The following KIF26B variants were observed in gnomAD, a reference collection of about 807,000 sequenced individuals.
KIF26B encodes kinesin family member 26B.
Under a neutral mutation model 151.2 loss-of-function variants are expected in KIF26B, and 63 were observed. The observed-to-expected ratio is 0.42, with a 90% CI of 0.34 to 0.51. The LOEUF (loss-of-function observed/expected upper bound fraction) is 0.51, where lower values mean the gene tolerates loss of function less well. Ranked by LOEUF, KIF26B falls within the 20% of genes least tolerant of loss-of-function variation. The pLI, the probability that KIF26B is intolerant of heterozygous loss-of-function variation, is 0.07. For missense variants in KIF26B, 2,813 were observed against 2,913.6 expected, an observed-to-expected ratio of 0.97 and a Z score of 0.79; for synonymous variants, 1,357 against 1,262.1, an observed-to-expected ratio of 1.08 and a Z score of -1.59.
intron 2 of KIF26B, among the ~76,000 whole-genome samples, chr1:245,365,206 G>A (rs1672917308): frequency 6.6e-6 from 1 of 152,150 alleles, no homozygotes. Context: ...TCATCGAGGA[G>A]GACGCCTCGA....
intron 2 of KIF26B, among the ~76,000 whole-genome samples, chr1:245,198,456 TCACGCCTGTAATCCCAG>T (rs6143715): frequency 0.39 from 58,739 of 152,034 alleles, 12,701 homozygotes; most frequent in East Asian, 0.73. Flanking sequence ...GTGCGGTGGC[TCACGCCTGTAATCCCAG>T]CACTTTGGGG....
chr1:245,365,460 T>C (rs917600334), intron 2 of KIF26B, among the ~76,000 whole-genome samples: 1 of 151,672 alleles, frequency 6.6e-6, no homozygotes, highest in Non-Finnish European at 1.5e-5. Flanking sequence ...TGGATCCTAA[T>C]TAAGAACCAC....
intron 10 of KIF26B, among the ~76,000 whole-genome samples, chr1:245,675,811 G>A (rs1048649963): frequency 6.6e-6 from 1 of 152,130 alleles, no homozygotes; most frequent in African/African-American, 2.4e-5. Flanking sequence ...TTTAAAGTGT[G>A]AGGGGCCCAT....
Position 245,687,911 on chromosome 1 carries a change from G to A in KIF26B, c.4928G>A (p.Gly1643Asp). The A allele has an allele frequency of 6.3e-7, 1 of 1,592,670 alleles. No homozygotes were observed. The highest frequency in any genetic ancestry group is 8.5e-7 in the Non-Finnish European group (1 of 1,171,434). ...FPAGLPDEPS[G>D]KTKDASSSSK... Reference sequence around the variant, plus strand: ...GCGGGCCTCCCAGACGAGCCTAGCGGCAAGACGAAGGACGCCAGCAGCAGC... The same window carrying A: ...GCGGGCCTCCCAGACGAGCCTAGCGACAAGACGAAGGACGCCAGCAGCAGC... Residue 1643 changes from glycine to aspartate, a missense_variant, in exon 12 of 15, where the codon GGC (glycine) becomes GAC (aspartate). Coordinates refer to ENST00000407071, the MANE Select transcript of KIF26B (RefSeq NM_018012.4). This position sits in a 1 kb window ranked among gnomAD's most constrained non-coding sequence, Gnocchi z 4.9.
At chr1:245,430,610 T>C (rs1270785943) in intron 4 of KIF26B, among the ~76,000 whole-genome samples, 4 of 152,012 alleles carry the variant, frequency 2.6e-5, no homozygotes, top group Admixed American at 2.6e-4. Flanking sequence ...GAGGCTGCAG[T>C]GAGCTACGAT....
chr1:245,609,622 A>G, intron 8 of KIF26B, 94 bp downstream of exon 8: 1 of 1,320,348 alleles, frequency 7.6e-7, no homozygotes, highest in Non-Finnish European at 1.0e-6. Flanking sequence ...GAACCTGTAA[A>G]CTCAGAGGCT....
At chr1:245,498,683 T>C (rs1276984220) in intron 4 of KIF26B, among the ~76,000 whole-genome samples, 2 of 152,208 alleles carry the variant, frequency 1.3e-5, no homozygotes, top group African/African-American at 2.4e-5. Flanking sequence ...TCACTTCTTT[T>C]AGCCAGGAAC....
At chr1:245,412,986 C>T (rs1312767470) in intron 3 of KIF26B, among the ~76,000 whole-genome samples, 1 of 152,088 alleles carries the variant, frequency 6.6e-6, no homozygotes, top group Non-Finnish European at 1.5e-5. Flanking sequence ...CCCACCACCC[C>T]GAGGGATATG....
At chr1:245,433,349 C>T (rs1006476111) in intron 4 of KIF26B, among the ~76,000 whole-genome samples, 1 of 151,694 alleles carries the variant, frequency 6.6e-6, no homozygotes, top group East Asian at 1.9e-4. Context: ...CACCTGTAGC[C>T]CCAGCTACTT....
At chr1:245,286,727 A>T (rs977574571) in intron 2 of KIF26B, among the ~76,000 whole-genome samples, 2 of 152,214 alleles carry the variant, frequency 1.3e-5, no homozygotes, top group African/African-American at 4.8e-5. Flanking sequence ...TCATAAATTA[A>T]TGAAAGATTC....
intron 4 of KIF26B, among the ~76,000 whole-genome samples, chr1:245,466,000 CT>C (rs1215879974): frequency 6.6e-6 from 1 of 152,228 alleles, no homozygotes; most frequent in East Asian, 1.9e-4. Context: ...AAGAGTGGAC[CT>C]GGACGGGCAA....
At chr1:245,691,021 AG>A (rs2044618881) in intron 12 of KIF26B, among the ~76,000 whole-genome samples, 1 of 152,236 alleles carries the variant, frequency 6.6e-6, no homozygotes, top group African/African-American at 2.4e-5. Context: ...CGGTCTTCAA[AG>A]TCCAGATGAC....
intron 2 of KIF26B, among the ~76,000 whole-genome samples, chr1:245,195,572 C>A (rs1198863929): frequency 6.6e-6 from 1 of 152,172 alleles, no homozygotes; most frequent in East Asian, 1.9e-4. Flanking sequence ...TTCCTTTGAT[C>A]TCCTCAGCGG....
Position 245,607,632 on chromosome 1 carries a change from C to G in KIF26B, c.1558-19C>G, listed in dbSNP as rs1312718651. 8 of 1,591,298 alleles carry G rather than the reference C, an allele frequency of 5.0e-6. No individual in the cohort carries two copies. The highest frequency in any genetic ancestry group is 8.6e-7 in the Non-Finnish European group (1 of 1,168,058). ...TGCGAGGTCCATTCACGGCTCGTGT[C>G]TCCTCTTGTGTCTGACAGGCTGAAG... On this transcript the variant is annotated intron_variant, in intron 6 of 14. Coordinates refer to ENST00000407071, the MANE Select transcript of KIF26B (RefSeq NM_018012.4).
In KIF26B at chr1:245,253,201, G is replaced by A. The variant is rs188651389; in HGVS notation, c.465+96518G>A. Among the ~76,000 whole-genome samples the A allele has an allele frequency of 1.5e-3, 228 of 151,726 alleles. 1 individual carries two copies. The highest frequency in any genetic ancestry group is 2.0e-3 in the Admixed American group (30 of 15,218). ...ATTTTGTATTTTTAGTAGAGATGGG[G>A]TTTCACCATATTGGTCGGGCTGGTC... On this transcript the variant is annotated intron_variant, in intron 2 of 14. Coordinates refer to ENST00000407071, the MANE Select transcript of KIF26B (RefSeq NM_018012.4).
intron 2 of KIF26B, among the ~76,000 whole-genome samples, chr1:245,171,945 T>C (rs903903742): frequency 6.6e-6 from 1 of 152,218 alleles, no homozygotes; most frequent in African/African-American, 2.4e-5. Context: ...TAAATGTGAG[T>C]ATCCAAGCTC....
chr1:245,652,124 GTGTGTGTGTGTGTGTGTGT>G (rs2044024110), intron 10 of KIF26B, among the ~76,000 whole-genome samples: 1 of 138,830 alleles, frequency 7.2e-6, no homozygotes. Context: ...GTGTGTGTGT[GTGTGTGTGTGTGTGTGTGT>G]GTGAGAGAGA....
At chr1:245,532,196 C>T (rs1661378841) in intron 4 of KIF26B, among the ~76,000 whole-genome samples, 2 of 151,812 alleles carry the variant, frequency 1.3e-5, no homozygotes, top group Admixed American at 1.3e-4. Context: ...TTCTACAAGT[C>T]CTTGAAGCAT....
chr1:245,238,600 C>T (rs1403743620), intron 2 of KIF26B, among the ~76,000 whole-genome samples: 3 of 152,136 alleles, frequency 2.0e-5, no homozygotes, highest in African/African-American at 7.2e-5. Context: ...GTGGCTCACA[C>T]CTGTAATCCC....
Sources: gnomAD v4.1 joint callset for allele counts (sites outside exome capture counted in the v4.1 genomes callset) on GRCh38, gnomAD v4.1.1 for gene constraint, Gnocchi (gnomAD v3.1) non-coding constraint, MANE v1.5 for transcripts, NCBI Gene and HGNC (gene_info 2026-07-23, HGNC 2026-07-21) for gene names.